The following IGFN1 variants were observed in gnomAD, a reference collection of about 807,000 sequenced individuals.
The protein encoded by IGFN1 is immunoglobulin-like and fibronectin type III domain-containing protein 1.
A neutral mutation model predicts 289.5 loss-of-function variants in IGFN1; 253 were observed. The observed-to-expected ratio is 0.87, with a 90% CI of 0.79 to 0.97. The LOEUF (loss-of-function observed/expected upper bound fraction) is 0.97, where lower values mean the gene tolerates loss of function less well. IGFN1 is among the 50% of genes least tolerant of loss of function. IGFN1 has a pLI of 0.00. For missense variants in IGFN1, 4,470 were observed against 4,686.1 expected, an observed-to-expected ratio of 0.95 and a Z score of 1.35; for synonymous variants, 1,706 against 1,788.5, an observed-to-expected ratio of 0.95 and a Z score of 1.16.
At chr1:201,191,340 A>T (rs530384795) in intron 1 of IGFN1, among the ~76,000 whole-genome samples, 4 of 152,122 alleles carry the variant, frequency 2.6e-5, no homozygotes, top group Non-Finnish European at 5.9e-5. Context: ...GGTAGCAGGG[A>T]CCAACTGGAG....
At chr1:201,196,578 A>G (rs1666931388) in intron 4 of IGFN1, among the ~76,000 whole-genome samples, 1 of 152,122 alleles carries the variant, frequency 6.6e-6, no homozygotes, top group Admixed American at 6.5e-5. Flanking sequence ...CTCCTGACCA[A>G]CAATGATCCA....
Position 201,228,460 on chromosome 1 carries a change from G to T in IGFN1, c.*61G>T. 2.6e-6 allele frequency: 4 copies of T among 1,548,264 alleles called. No individual in the cohort carries two copies. Among genetic ancestry groups the T allele is most frequent in the Admixed American group, 1.7e-5 (1 of 59,908 alleles). On this transcript the variant is annotated 3_prime_UTR_variant, in exon 24 of 24. Transcript: ENST00000335211. ...AGCTTCACTTCCGACACCTGCACTG[G>T]CCCGGGAAGCCAATCCCAAGGATGG...
Position 201,213,296 on chromosome 1 carries a change from A to G in IGFN1, c.8403A>G (p.Gly2801=), listed in dbSNP as rs1300813385. The part of the protein sequence containing the change: ...PGALKEDEGQ[G]VEEAGRSGRR... ...CCCTAAAGGAGGATGAAGGGCAGGG[A>G]GTGGAAGAGGCTGGGAGGTCAGGCA... The change falls in exon 12 of 24, where the codon GGA becomes GGG. Residue 2801 remains glycine (G), a synonymous_variant. Transcript: ENST00000335211. The G allele has an allele frequency of 6.4e-7, 1 of 1,565,192 alleles. No individual in the cohort carries two copies. Among genetic ancestry groups the G allele is most frequent in the Non-Finnish European group, 8.7e-7 (1 of 1,154,696 alleles).
In IGFN1 at chr1:201,200,290, T is replaced by C; in HGVS notation, c.512T>C (p.Leu171Pro). The C allele has an allele frequency of 1.9e-6, 3 of 1,551,638 alleles. No individual in the cohort carries two copies. In the South Asian group the frequency reaches 3.6e-5, roughly 18 times the overall value. Residue 171 changes from leucine (L) to proline (P), a missense_variant, in exon 8 of 24, where the codon CTG becomes CCG. Coordinates refer to ENST00000335211, the MANE Select transcript of IGFN1 (RefSeq NM_001164586.2). ...KMDLEQIWQLLMTADRKDYEK... is the reference protein window; with the variant it reads ...KMDLEQIWQLPMTADRKDYEK... ...GACCTTGAGCAGATATGGCAGCTGC[T>C]GATGACAGCAGACAGGAAGGACTAC...
intron 16 of IGFN1, 112 bp from the exon 17 acceptor site, chr1:201,217,175 C>G (rs1292123199): frequency 1.1e-6 from 1 of 922,790 alleles, no homozygotes; most frequent in Non-Finnish European, 1.7e-6. Context: ...CTCACCAGGA[C>G]AGGGCGGAGT....
In IGFN1 at chr1:201,205,098, G is replaced by T. The variant is rs1377142236; in HGVS notation, c.933G>T (p.Val311=). 2 of 1,547,500 alleles carry T rather than the reference G, an allele frequency of 1.3e-6. No homozygotes were observed. The highest frequency in any genetic ancestry group is 2.4e-5 in the South Asian group (2 of 83,846). The part of the protein sequence containing the change: ...ELEASAIPPR[V]VVPLAETHCE... ...CCCCGGCAGCCATCCCCCCAAGAGT[G>T]GTGGTCCCACTGGCGGAGACCCACT... The change falls in exon 11 of 24, where the codon GTG becomes GTT. Residue 311 remains valine, a synonymous_variant. Transcript: ENST00000335211.
chr1:201,228,496 C>G lies in IGFN1; in HGVS notation c.*97C>G. 7.6e-7 allele frequency: 1 copy of G among 1,319,552 alleles called. No homozygotes were observed. Among genetic ancestry groups the G allele is most frequent in the South Asian group, 1.2e-5 (1 of 85,206 alleles). 81.7% of individuals were successfully genotyped at this position (1,319,552 alleles called of 1,614,324 possible). ...CAATCCCAAGGATGGAGGCTGTGCC[C>G]AGAGCCCCAGGAAAATGGGAGTGAG... On this transcript the variant is annotated 3_prime_UTR_variant, in exon 24 of 24. Coordinates refer to ENST00000335211, the MANE Select transcript of IGFN1 (RefSeq NM_001164586.2).
intron 19 of IGFN1, chr1:201,222,392 G>A: frequency 5.2e-6 from 1 of 191,662 alleles, no homozygotes; most frequent in Non-Finnish European, 1.1e-5. Context: ...CCTCAGGCAA[G>A]TCATTTCCTG....
rs145464673 is a variant in IGFN1, at chr1:201,221,486, C to A, written c.9941C>A (p.Ser3314Ter). Reference protein sequence around the residue: ...LVRNLQVTDRSNTSITLSWAG... With the variant: ...LVRNLQVTDR ...AGGAATCTCCAAGTCACAGACAGAT[C>A]GAACACCAGCATCACTCTGAGCTGG... Residue 3314 changes from serine (S) to a stop codon, truncating the protein, a stop_gained, in exon 19 of 24, where the codon TCG (serine) becomes TAG (stop). Coordinates refer to ENST00000335211, the MANE Select transcript of IGFN1 (RefSeq NM_001164586.2). LOFTEE classifies it high-confidence loss of function. The A allele has an allele frequency of 1.2e-4, 200 of 1,611,386 alleles. 1 individual carries two copies. The highest frequency in any genetic ancestry group is 1.6e-4 in the Non-Finnish European group (187 of 1,178,738).
Position 201,208,843 on chromosome 1 carries a change from G to T in IGFN1, c.3950G>T (p.Gly1317Val). 1 of 1,536,730 alleles carries T rather than the reference G, an allele frequency of 6.5e-7. No individual in the cohort carries two copies. Among genetic ancestry groups the T allele is most frequent in the Non-Finnish European group, 8.7e-7 (1 of 1,146,732 alleles). ...GGTGTAGGGGGTTCTGGGGCAATGG[G>T]GTCAATGGATGAAGCAGGTTATAGG... is the stretch of plus-strand genomic sequence containing the variant. ...RDGVGGSGAM[G>V]SMDEAGYRKD... Residue 1317 changes from glycine to valine, a missense_variant, in exon 12 of 24, where the codon GGG becomes GTG. Transcript: ENST00000335211.
Position 201,215,707 on chromosome 1 carries a change from A to ACCT in IGFN1, c.9164_9165insCCT (p.Gln3055delinsHisLeu). On this transcript the variant is annotated protein_altering_variant, in exon 15 of 24. Coordinates refer to ENST00000335211, the MANE Select transcript of IGFN1 (RefSeq NM_001164586.2). ...GTGGGCAGCAGTGACAGGGAGGCCC[A>ACCT]GGTGGACCTGGGGGATGGCTACACG... 6.2e-7 allele frequency: 1 copy of ACCT among 1,613,500 alleles called. No individual in the cohort carries two copies. The highest frequency in any genetic ancestry group is 8.5e-7 in the Non-Finnish European group (1 of 1,179,768).
intron 2 of IGFN1, 60 bp downstream of exon 2, chr1:201,193,360 G>A: frequency 7.9e-7 from 1 of 1,267,978 alleles, no homozygotes; most frequent in Non-Finnish European, 1.1e-6. Flanking sequence ...CCAGGACAGA[G>A]AGGAGAGAAG....
At chr1:201,226,315 A>C (rs1212941096) in intron 22 of IGFN1, among the ~76,000 whole-genome samples, 192 bp downstream of exon 22, 1 of 38,614 alleles carries the variant, frequency 2.6e-5, no homozygotes, top group Non-Finnish European at 4.7e-5. Context: ...CTGTTCTGGC[A>C]TCCTCTGCAC....
intron 10 of IGFN1, 85 bp downstream of exon 10, chr1:201,203,991 G>A (rs1667281330): frequency 1.6e-6 from 2 of 1,250,942 alleles, no homozygotes. Context: ...GTGTTGGGGG[G>A]TAAATGTGAT....
chr1:201,191,819 T>C (rs1172403608), intron 1 of IGFN1, among the ~76,000 whole-genome samples: 1 of 152,156 alleles, frequency 6.6e-6, no homozygotes. Flanking sequence ...TCCTTCTTCA[T>C]GTGTGACCAA....
Position 201,228,270 on chromosome 1 carries a change from C to A in IGFN1, c.11114-116C>A. The A allele has an allele frequency of 3.8e-6, 4 of 1,060,942 alleles. No homozygotes were observed. In the South Asian group the frequency reaches 5.1e-5, roughly 13 times the overall value. 65.7% of individuals were successfully genotyped at this position (1,060,942 alleles called of 1,614,324 possible). A position where few individuals can be genotyped will look rare whatever the true frequency, so the allele number is the denominator to read the frequency against. Reference sequence around the variant, plus strand: ...GGTGGCTCCAGATTTGAACCCACACCCCCTGATGGCAGAGCCTGTAGTCTA... The same window carrying A: ...GGTGGCTCCAGATTTGAACCCACACACCCTGATGGCAGAGCCTGTAGTCTA... On this transcript the variant is annotated intron_variant, in intron 23 of 23. Coordinates refer to ENST00000335211, the MANE Select transcript of IGFN1 (RefSeq NM_001164586.2).
chr1:201,207,796 A>G lies in IGFN1; in HGVS notation c.2903A>G (p.Lys968Arg). The change falls in exon 12 of 24, where the codon AAA becomes AGA. Residue 968 changes from lysine to arginine, a missense_variant. Physicochemically the swap from Lys to Arg is conservative, Grantham distance 26. Around this residue, in one of 8 missense-constraint regions of IGFN1, gnomAD observed 2,011 missense variants for 1,953.4 expected, o/e 1.03. Coordinates refer to ENST00000335211, the MANE Select transcript of IGFN1 (RefSeq NM_001164586.2). ...GGATATTCTAGGGAAATAAGCTCTA[A>G]AAGCGGGGCTGGTTATAGCTATGGC... Reference protein sequence around the residue: ...GLGYSREISSKSGAGYSYGSG... With the variant: ...GLGYSREISSRSGAGYSYGSG... 1 of 1,536,216 alleles carries G rather than the reference A, an allele frequency of 6.5e-7. No individual in the cohort carries two copies. Among genetic ancestry groups the G allele is most frequent in the Non-Finnish European group, 8.7e-7 (1 of 1,146,414 alleles).
In IGFN1 at chr1:201,224,819, GC is replaced by G. The variant is rs781022031; in HGVS notation, c.10432del (p.Leu3478Ter). 130 of 1,614,112 alleles carry G rather than the reference GC, an allele frequency of 8.1e-5. 3 individuals carry two copies. The South Asian group carries it at 1.4e-3, about 17-fold the overall frequency. ...LSDSGLYTVVLRTLQGKEVAH... is the reference protein window; with the variant it reads ...LSDSGLYTVVXRTLQGKEVAH... ...CAGACAGTGGTCTCTACACTGTGGT[GC>G]TGAGGACCCTGCAGGGGAAGGAGGT... On this transcript the variant is annotated frameshift_variant, in exon 21 of 24. Coordinates refer to ENST00000335211, the MANE Select transcript of IGFN1 (RefSeq NM_001164586.2). LOFTEE classifies it high-confidence loss of function.
At chr1:201,220,471 G>A (rs1653661088) in intron 18 of IGFN1, among the ~76,000 whole-genome samples, 2 of 152,214 alleles carry the variant, frequency 1.3e-5, no homozygotes, top group Non-Finnish European at 2.9e-5. Flanking sequence ...TGAGCCATGG[G>A]CCCACAGCCT....
Sources: allele counts gnomAD v4.1 joint callset (sites outside exome capture counted in the v4.1 genomes callset), GRCh38; gene constraint gnomAD v4.1.1; regional missense constraint gnomAD v4.1.1; transcripts MANE v1.5; gene names NCBI Gene and HGNC (gene_info 2026-07-23, HGNC 2026-07-21).